DCC: variants seen among roughly 807,000 people sequenced by gnomAD.
The protein encoded by DCC is netrin receptor DCC.
In DCC, 58 loss-of-function variants were observed where a neutral mutation model predicts 172.5. That is an observed-to-expected ratio of 0.34 (90% CI 0.27 to 0.42). DCC has a LOEUF of 0.42. Among genes scored for constraint, DCC ranks in the 10% least tolerant of loss-of-function variants. The pLI is 1.00. For synonymous variants in DCC, 709 were observed against 644.5 expected, an observed-to-expected ratio of 1.10 and a Z score of -1.52; for missense variants, 1,740 against 1,791.0, an observed-to-expected ratio of 0.97 and a Z score of 0.51.
At chr18:52,722,345 T>C (rs965442874) in intron 1 of DCC, among the ~76,000 whole-genome samples, 4 of 152,334 alleles carry the variant, frequency 2.6e-5, no homozygotes, top group African/African-American at 4.8e-5. Context: ...GAGATAGAGA[T>C]GGCTTCCTTT....
intron 1 of DCC, among the ~76,000 whole-genome samples, chr18:52,457,582 A>G (rs1219566118): frequency 1.3e-5 from 2 of 152,168 alleles, no homozygotes; most frequent in African/African-American, 4.8e-5. Context: ...ATGTGCCAAT[A>G]TCTGTTAATA....
intron 1 of DCC, among the ~76,000 whole-genome samples, chr18:52,445,211 G>C (rs977235219): frequency 2.6e-5 from 4 of 152,056 alleles, no homozygotes; most frequent in Non-Finnish European, 4.4e-5. Flanking sequence ...TTGATAACTA[G>C]CAAGTGGCAG....
At chr18:53,477,374 G>A (rs2045778712) in intron 25 of DCC, among the ~76,000 whole-genome samples, 1 of 152,094 alleles carries the variant, frequency 6.6e-6, no homozygotes, top group South Asian at 2.1e-4. Flanking sequence ...TAAGGCCATA[G>A]GTAACTATGT....
chr18:53,095,792 C>CTTTTTTTTT (rs71175552), intron 7 of DCC, among the ~76,000 whole-genome samples: 2 of 126,252 alleles, frequency 1.6e-5, no homozygotes, highest in East Asian at 2.6e-4. Context: ...ATATGGATAT[C>CTTTTTTTTT]TTTTTTTTTT....
At chr18:53,190,840 G>A (rs892009013) in intron 9 of DCC, among the ~76,000 whole-genome samples, 1 of 152,104 alleles carries the variant, frequency 6.6e-6, no homozygotes, top group African/African-American at 2.4e-5. Context: ...CGGCTACTGG[G>A]GAGGCCAAGG....
At chr18:53,304,235 T>G (rs1219967113) in intron 12 of DCC, among the ~76,000 whole-genome samples, 4 of 152,148 alleles carry the variant, frequency 2.6e-5, no homozygotes, top group African/African-American at 9.7e-5. Flanking sequence ...CATTTAGGGC[T>G]GTGGGTTTCC....
intron 15 of DCC, among the ~76,000 whole-genome samples, chr18:53,350,850 A>C (rs1349593587): frequency 6.6e-6 from 1 of 151,982 alleles, no homozygotes; most frequent in African/African-American, 2.4e-5. Flanking sequence ...GAAAGACAAA[A>C]ACAGAAATTC....
At chr18:53,344,440 CT>C (rs71175582) in intron 15 of DCC, among the ~76,000 whole-genome samples, 16,837 of 96,616 alleles carry the variant, frequency 0.17, 470 homozygotes, top group African/African-American at 0.28. Context: ...TTTCGTTTTT[CT>C]TTTTTTTTTT....
chr18:52,586,657 T>C (rs1021907102), intron 1 of DCC, among the ~76,000 whole-genome samples: 2 of 152,106 alleles, frequency 1.3e-5, no homozygotes, highest in Admixed American at 1.3e-4. Context: ...GGGGTGACGG[T>C]GAGTGGTGCC....
chr18:53,154,071 C>T (rs1273674858), intron 7 of DCC, among the ~76,000 whole-genome samples: 1 of 152,098 alleles, frequency 6.6e-6, no homozygotes, highest in Non-Finnish European at 1.5e-5. Flanking sequence ...ACACACTAGG[C>T]CATTGTTTAG....
At chr18:52,462,305 T>C (rs947632664) in intron 1 of DCC, among the ~76,000 whole-genome samples, 3 of 152,020 alleles carry the variant, frequency 2.0e-5, no homozygotes, top group African/African-American at 7.2e-5. Flanking sequence ...TTCAGAACCC[T>C]CCAATGACTT....
chr18:52,601,343 A>C (rs1190742795), intron 1 of DCC, among the ~76,000 whole-genome samples: 1 of 151,992 alleles, frequency 6.6e-6, no homozygotes, highest in Non-Finnish European at 1.5e-5. Context: ...TCAACTTTGT[A>C]GTTTACACTT....
intron 5 of DCC, among the ~76,000 whole-genome samples, chr18:52,947,285 C>T (rs1432076814): frequency 6.6e-6 from 1 of 152,066 alleles, no homozygotes; most frequent in Non-Finnish European, 1.5e-5. Flanking sequence ...CACTAGAAGC[C>T]TTTTAGAAAA....
At chr18:52,522,086 G>A (rs2031836872) in intron 1 of DCC, among the ~76,000 whole-genome samples, 1 of 152,206 alleles carries the variant, frequency 6.6e-6, no homozygotes, top group Non-Finnish European at 1.5e-5. Context: ...CTGAGAGATA[G>A]AATAAAATTA....
intron 8 of DCC, among the ~76,000 whole-genome samples, chr18:53,169,416 A>G (rs988055269): frequency 6.6e-6 from 1 of 152,204 alleles, no homozygotes; most frequent in Non-Finnish European, 1.5e-5. Context: ...CAGACTTCGT[A>G]TATTTGATGC....
intron 1 of DCC, among the ~76,000 whole-genome samples, chr18:52,560,033 C>G (rs2033001083): frequency 6.6e-6 from 1 of 152,012 alleles, no homozygotes. Flanking sequence ...TATTCCATGC[C>G]CCACCATTTT....
At chr18:53,460,278 T>TG (rs1404423007) in intron 24 of DCC, among the ~76,000 whole-genome samples, 3,532 of 101,458 alleles carry the variant, frequency 0.035, 156 homozygotes, top group African/African-American at 0.12. Context: ...GCTCCTGTTT[T>TG]TTTTTTTTTT....
chr18:52,556,530 G>A (rs1335825863), intron 1 of DCC, among the ~76,000 whole-genome samples: 1 of 152,056 alleles, frequency 6.6e-6, no homozygotes, highest in Non-Finnish European at 1.5e-5. Context: ...GGAGGTAGAA[G>A]AGCAGAAAGG....
intron 1 of DCC, among the ~76,000 whole-genome samples, chr18:52,622,116 G>A (rs1314321183): frequency 6.6e-6 from 1 of 152,064 alleles, no homozygotes; most frequent in Non-Finnish European, 1.5e-5. Flanking sequence ...TTTAAAATTT[G>A]TCCTCAAGTA....
Sources: gnomAD v4.1 joint callset for allele counts (sites outside exome capture counted in the v4.1 genomes callset) on GRCh38, gnomAD v4.1.1 for gene constraint, MANE v1.5 for transcripts, NCBI Gene and HGNC (gene_info 2026-07-23, HGNC 2026-07-21) for gene names.